ZNF230: variants seen among roughly 807,000 people sequenced by gnomAD.
ZNF230 encodes the protein zinc finger protein FDZF2.
ZNF230 carries 12 observed loss-of-function variants against 10.0 expected under a neutral mutation model. The observed-to-expected ratio is 1.20, with a 90% confidence interval of 0.77 to 1.95. The LOEUF is 1.95. ZNF230 is among the 30% of genes most tolerant of loss of function. The pLI is 0.00. For synonymous variants in ZNF230, 174 were observed against 193.6 expected, an observed-to-expected ratio of 0.90 and a Z score of 0.84; for missense variants, 532 against 565.8, an observed-to-expected ratio of 0.94 and a Z score of 0.61.
chr19:44,010,448 C>A lies in ZNF230; in HGVS notation c.409C>A (p.Gln137Lys). The change falls in exon 5 of 5, where the codon CAG (glutamine) becomes AAG (lysine). Residue 137 changes from glutamine (Q) to lysine (K), a missense_variant. Transcript: ENST00000429154. ...EAGLSIIHTG[Q>K]KPSQNGKCKQ... ...AGGACTATCTATAATTCATACAGGA[C>A]AGAAACCTTCACAGAATGGGAAGTG... 6 of 1,614,246 alleles carry A rather than the reference C, an allele frequency of 3.7e-6. No individual in the cohort carries two copies. Among genetic ancestry groups the A allele is most frequent in the Non-Finnish European group, 3.4e-6 (4 of 1,180,046 alleles).
chr19:44,004,409 T>C (rs1257704453), intron 1 of ZNF230: 1 of 152,222 alleles, frequency 6.6e-6, no homozygotes, highest in Non-Finnish European at 1.5e-5. Flanking sequence ...CTTTTAACTA[T>C]AGAAAATTTT....
rs140815723 is a variant in ZNF230, at chr19:44,010,743, G to A, written c.704G>A (p.Cys235Tyr). Residue 235 changes from cysteine (C) to tyrosine (Y), a missense_variant, in exon 5 of 5, where the codon TGT becomes TAT. By Grantham distance (194) the Cys-to-Tyr change is radical. Coordinates refer to ENST00000429154, the MANE Select transcript of ZNF230 (RefSeq NM_006300.4). ...GAGCAATGTGGGAAAGGCTTCAGAT[G>A]TAGAGCGATACTTCAAGTTCACTGC... ...KCEQCGKGFR[C>Y]RAILQVHCKL... 185 of 1,614,202 alleles carry A rather than the reference G, an allele frequency of 1.1e-4. No individual in the cohort carries two copies. Among genetic ancestry groups the A allele is most frequent in the Admixed American group, 1.5e-4 (9 of 60,032 alleles).
At chr19:44,007,976 A>G (rs1298001862) in intron 2 of ZNF230, among the ~76,000 whole-genome samples, 2 of 152,218 alleles carry the variant, frequency 1.3e-5, no homozygotes, top group Non-Finnish European at 2.9e-5. Flanking sequence ...AATTACATAA[A>G]GCAGATTTAT....
Position 44,006,257 on chromosome 19 carries a change from G to A in ZNF230, c.-68-754G>A, listed in dbSNP as rs759487857. Among the ~76,000 whole-genome samples, 73 of 152,266 alleles carry A rather than the reference G, an allele frequency of 4.8e-4. 1 individual carries two copies. Among genetic ancestry groups the A allele is most frequent in the Non-Finnish European group, 7.5e-4 (51 of 68,022 alleles). ...ACTGTGTTCACTTGGCCAAGATGAT[G>A]CCTTTCAGATTTGTCCGCTGTAAAG... is the stretch of plus-strand genomic sequence containing the variant. On this transcript the variant is annotated intron_variant, in intron 1 of 4. Transcript: ENST00000429154.
At chr19:44,005,070 C>T (rs1003484317) in intron 1 of ZNF230, among the ~76,000 whole-genome samples, 2 of 150,090 alleles carry the variant, frequency 1.3e-5, no homozygotes, top group African/African-American at 2.4e-5. Context: ...TTGCAGTGAG[C>T]GAGATCGCGC....
intron 1 of ZNF230, chr19:44,004,714 A>T (rs1976105839): frequency 7.4e-6 from 1 of 135,846 alleles, no homozygotes; most frequent in Non-Finnish European, 1.6e-5. Context: ...CCTGGGCAAC[A>T]GAGTGAGACT....
intron 1 of ZNF230, 138 bp from the exon 2 acceptor site, chr19:44,006,873 G>C: frequency 2.3e-6 from 1 of 428,454 alleles, no homozygotes; most frequent in East Asian, 3.4e-5. Flanking sequence ...CCCAGAGGAA[G>C]GCATTTTGGT....
At position 44,009,199 on chromosome 19, in the gene ZNF230, T is replaced by C. The variant is rs1319555878; in HGVS notation, c.229+29T>C. 3.1e-6 allele frequency: 5 copies of C among 1,607,532 alleles called. No homozygotes were observed. In the Admixed American group the frequency reaches 6.7e-5, roughly 22 times the overall value. On this transcript the variant is annotated intron_variant, in intron 4 of 4. Transcript: ENST00000429154. ...AGAAGCAAGCAACTGTGTGTCCTTG[T>C]ACATGACTTTCTTTCCCATTTGTTT... is the stretch of plus-strand genomic sequence containing the variant.
At chr19:44,006,983 C>T in intron 1 of ZNF230, 28 bp from the exon 2 acceptor site, 1 of 1,043,502 alleles carries the variant, frequency 9.6e-7, no homozygotes. Context: ...TTTCATGTCT[C>T]TCTTTTGCTG....
chr19:44,008,969 T>A (rs765912899), intron 3 of ZNF230, 53 bp downstream of exon 3: 1 of 1,605,220 alleles, frequency 6.2e-7, no homozygotes, highest in African/African-American at 1.3e-5. Flanking sequence ...AGTGGCTTTG[T>A]ATCCTAGAGT....
chr19:44,008,949 A>G (rs1450763529), intron 3 of ZNF230, 33 bp downstream of exon 3: 2 of 1,610,572 alleles, frequency 1.2e-6, no homozygotes, highest in Non-Finnish European at 1.7e-6. Context: ...ATGGTACATC[A>G]GGCCTCAGGA....
At position 44,012,382 on chromosome 19, in the gene ZNF230, A is replaced by C; in HGVS notation, c.*918A>C. The C allele has an allele frequency of 5.8e-6, 3 of 518,940 alleles. No individual in the cohort carries two copies. Among genetic ancestry groups the C allele is most frequent in the South Asian group, 4.2e-5 (3 of 71,576 alleles). The allele number at this position is 518,940 out of a possible 1,614,324, so 32.1% of individuals were successfully genotyped here. A position where few individuals can be genotyped will look rare whatever the true frequency, so the allele number is the denominator to read the frequency against. On this transcript the variant is annotated 3_prime_UTR_variant, in exon 5 of 5. Transcript: ENST00000429154. ...TTTATATCATAATTTATCACAGTCC[A>C]TACTGATAATATATTTCATCCAGGC...
chr19:44,009,171 G>A lies in ZNF230; in HGVS notation c.229+1G>A. 1 of 1,614,034 alleles carries A rather than the reference G, an allele frequency of 6.2e-7. No homozygotes were observed. The highest frequency in any genetic ancestry group is 8.5e-7 in the Non-Finnish European group (1 of 1,179,936). ...GCAACCCAAAGAGAAGGAAATTCAG[G>A]TAAGAAGCAAGCAACTGTGTGTCCT... On this transcript the variant is annotated splice_donor_variant, in intron 4 of 4. Coordinates refer to ENST00000429154, the MANE Select transcript of ZNF230 (RefSeq NM_006300.4). LOFTEE classifies it high-confidence loss of function.
intron 1 of ZNF230, among the ~76,000 whole-genome samples, chr19:44,006,467 T>G (rs1976125228): frequency 6.6e-6 from 1 of 152,234 alleles, no homozygotes; most frequent in Non-Finnish European, 1.5e-5. Context: ...GCAATTTTTT[T>G]TCAACTCTAT....
chr19:44,009,545 C>T (rs911943809), intron 4 of ZNF230, among the ~76,000 whole-genome samples: 2 of 152,352 alleles, frequency 1.3e-5, no homozygotes, highest in South Asian at 2.1e-4. Flanking sequence ...TTTCCAGCCA[C>T]GTTGTCCTCC....
At position 44,008,842 on chromosome 19, in the gene ZNF230, G is replaced by A; in HGVS notation, c.68G>A (p.Gly23Glu). 6.2e-7 allele frequency: 1 copy of A among 1,614,046 alleles called. No homozygotes were observed. The highest frequency in any genetic ancestry group is 8.5e-7 in the Non-Finnish European group (1 of 1,179,990). The change falls in exon 3 of 5, where the codon GGG (glycine) becomes GAG (glutamate). Residue 23 changes from glycine (G) to glutamate (E), a missense_variant. Coordinates refer to ENST00000429154, the MANE Select transcript of ZNF230 (RefSeq NM_006300.4). Reference sequence around the variant, plus strand: ...GTGTTCTTCACTGAGGAGGAACTGGGGCTACTGGACCCTGCCCAGAGGAAG... The same window carrying A: ...GTGTTCTTCACTGAGGAGGAACTGGAGCTACTGGACCCTGCCCAGAGGAAG... ...VAVFFTEEEL[G>E]LLDPAQRKLY...
At chr19:44,009,251 A>C in intron 4 of ZNF230, 81 bp downstream of exon 4, 3 of 1,454,150 alleles carry the variant, frequency 2.1e-6, no homozygotes, top group Non-Finnish European at 2.9e-6. Context: ...CACTTATATC[A>C]CCCTGATCTA....
At position 44,009,069 on chromosome 19, in the gene ZNF230, T is replaced by C. The variant is rs779385659; in HGVS notation, c.143-15T>C. On this transcript the variant is annotated splice_polypyrimidine_tract_variant and intron_variant, in intron 3 of 4. Transcript: ENST00000429154. ...AATGAATTGGTATTAAGCACATGAC[T>C]TTGCATGTTCACAGGGCATCAACCA... 4 of 1,613,622 alleles carry C rather than the reference T, an allele frequency of 2.5e-6. No homozygotes were observed. The highest frequency in any genetic ancestry group is 3.4e-6 in the Non-Finnish European group (4 of 1,179,738).
Position 44,009,137 on chromosome 19 carries a change from A to G in ZNF230, c.196A>G (p.Met66Val), listed in dbSNP as rs1568497517. The G allele has an allele frequency of 6.2e-7, 1 of 1,614,234 alleles. No individual in the cohort carries two copies. Among genetic ancestry groups the G allele is most frequent in the Non-Finnish European group, 8.5e-7 (1 of 1,180,044 alleles). Residue 66 changes from methionine to valine, a missense_variant, in exon 4 of 5, where the codon ATG becomes GTG. Physicochemically the swap from Met to Val is conservative, Grantham distance 21. Coordinates refer to ENST00000429154, the MANE Select transcript of ZNF230 (RefSeq NM_006300.4). ...HFLREEKFWM[M>V]ETATQREGNS... ...CCTAAGGGAAGAAAAGTTTTGGATG[A>G]TGGAGACAGCAACCCAAAGAGAAGG...
Sources: gnomAD v4.1 joint callset for allele counts (sites outside exome capture counted in the v4.1 genomes callset) on GRCh38, gnomAD v4.1.1 for gene constraint, MANE v1.5 for transcripts, NCBI Gene and HGNC (gene_info 2026-07-23, HGNC 2026-07-21) for gene names.